ARHGAP31: variants seen among roughly 807,000 people sequenced by gnomAD.
ARHGAP31 encodes Rho GTPase activating protein 31.
In ARHGAP31, 34 loss-of-function variants were observed where a neutral mutation model predicts 113.9. The observed-to-expected ratio is 0.30, with a 90% CI of 0.23 to 0.40. The LOEUF (loss-of-function observed/expected upper bound fraction) is 0.40, where lower values mean the gene tolerates loss of function less well. Ranked by LOEUF, ARHGAP31 falls within the 10% of genes least tolerant of loss-of-function variation. The pLI, the probability that ARHGAP31 is intolerant of heterozygous loss-of-function variation, is 1.00. For synonymous variants in ARHGAP31, 650 were observed against 684.8 expected (o/e 0.95, Z 0.79); for missense variants, 1,548 against 1,767.1 (o/e 0.88, Z 2.22).
intron 1 of ARHGAP31, 24 bp from the exon 2 acceptor site, chr3:119,365,292 G>A (rs748187636): frequency 6.3e-7 from 1 of 1,593,576 alleles, no homozygotes; most frequent in Admixed American, 1.7e-5. Flanking sequence ...ATACTTAATT[G>A]TTTTTTTCTT....
chr3:119,399,126 C>A (rs1423690291), intron 8 of ARHGAP31, 73 bp from the exon 9 acceptor site: 1 of 1,399,688 alleles, frequency 7.1e-7, no homozygotes. Flanking sequence ...GGTACTTAAA[C>A]AGCCTGACCT....
At position 119,415,888 on chromosome 3, in the gene ARHGAP31, A is replaced by G. The variant is rs1328924996; in HGVS notation, c.3959A>G (p.Asn1320Ser). ...TCAGAGACAGAGCCATCTGGGGACA[A>G]CCTTCTTTCTTCAAAACTAGAGCGA... ...RMSETEPSGD[N>S]LLSSKLERPS... Residue 1320 changes from asparagine (N) to serine (S), a missense_variant, in exon 12 of 12, where the codon AAC becomes AGC. Transcript: ENST00000264245. 6.2e-7 allele frequency: 1 copy of G among 1,614,062 alleles called. No homozygotes were observed. The highest frequency in any genetic ancestry group is 8.5e-7 in the Non-Finnish European group (1 of 1,180,032).
rs1411290216 is a variant in ARHGAP31 at position 119,414,317 on chromosome 3, A to G, written c.2388A>G (p.Pro796=). 1 of 1,614,054 alleles carries G rather than the reference A, an allele frequency of 6.2e-7. No individual in the cohort carries two copies. The highest frequency in any genetic ancestry group is 1.3e-5 in the African/African-American group (1 of 74,928). ...CAACTCCTCTGGAGGAGTCAACTCC[A>G]GTCCTGCTTTCAAAGGGCGGCCCGG... The part of the protein sequence containing the change: ...PPPTPLEEST[P]VLLSKGGPER... The change falls in exon 12 of 12, where the codon CCA becomes CCG. Residue 796 remains proline, a synonymous_variant. Transcript: ENST00000264245.
rs2079517543 is a variant in ARHGAP31 at position 119,294,752 on chromosome 3, A to C, written c.-153A>C. 2.7e-6 allele frequency: 2 copies of C among 733,574 alleles called. No individual in the cohort carries two copies. Among genetic ancestry groups the C allele is most frequent in the Non-Finnish European group, 4.7e-6 (2 of 422,460 alleles). 45.4% of individuals were successfully genotyped at this position (733,574 alleles called of 1,614,324 possible). A position where few individuals can be genotyped will look rare whatever the true frequency, so the allele number is the denominator to read the frequency against. ...TGCCGGCCCGCGGCCCGCGGGGTCC[A>C]TGCGCAGGGCCCCCAGCCCAAGTTC... On this transcript the variant is annotated 5_prime_UTR_variant, in exon 1 of 12. The change abolishes an upstream ATG in the 5' untranslated region. Transcript: ENST00000264245.
chr3:119,369,656 G>A (rs1393346723), intron 3 of ARHGAP31, among the ~76,000 whole-genome samples: 1 of 152,082 alleles, frequency 6.6e-6, no homozygotes, highest in African/African-American at 2.4e-5. Flanking sequence ...AGTTTTCAGT[G>A]GTACAGGGAA....
chr3:119,332,635 T>TCTCTCTCTCA (rs1403595583), intron 1 of ARHGAP31, among the ~76,000 whole-genome samples: 6 of 85,664 alleles, frequency 7.0e-5, no homozygotes, highest in Non-Finnish European at 6.4e-5. Context: ...TCTCTCTCTC[T>TCTCTCTCTCA]CACACACACA....
intron 1 of ARHGAP31, among the ~76,000 whole-genome samples, chr3:119,317,239 C>A (rs2079741819): frequency 6.6e-6 from 1 of 151,148 alleles, no homozygotes; most frequent in Non-Finnish European, 1.5e-5. Flanking sequence ...AGTGCAGTGG[C>A]GCGATCTCAG....
intron 1 of ARHGAP31, among the ~76,000 whole-genome samples, chr3:119,307,940 C>CAAAAAAAAAAGAAAAAAAAAAAAAAAAA (rs2079644673): frequency 2.2e-5 from 1 of 45,452 alleles, no homozygotes; most frequent in Non-Finnish European, 3.7e-5. Context: ...GAATTAACAG[C>CAAAAAAAAAAGAAAAAAAAAAAAAAAAA]AAAAAAAAAA....
At chr3:119,329,603 T>G (rs935633375) in intron 1 of ARHGAP31, among the ~76,000 whole-genome samples, 3 of 152,210 alleles carry the variant, frequency 2.0e-5, no homozygotes, top group African/African-American at 7.2e-5. Flanking sequence ...CAGCTATCCA[T>G]AACCTCCTTC....
At chr3:119,344,390 C>T (rs1170385653) in intron 1 of ARHGAP31, among the ~76,000 whole-genome samples, 1 of 152,154 alleles carries the variant, frequency 6.6e-6, no homozygotes, top group Non-Finnish European at 1.5e-5. Context: ...TGGCTGAAGC[C>T]TGTATCCCAG....
At chr3:119,348,587 A>G (rs942850408) in intron 1 of ARHGAP31, among the ~76,000 whole-genome samples, 36 of 152,242 alleles carry the variant, frequency 2.4e-4, no homozygotes, top group African/African-American at 8.2e-4. Context: ...AGATCTTGAT[A>G]TAAAACGGTG....
At chr3:119,413,679 G>C (rs1018618979) in intron 11 of ARHGAP31, among the ~76,000 whole-genome samples, 177 bp from the exon 12 acceptor site, 5 of 152,200 alleles carry the variant, frequency 3.3e-5, no homozygotes, top group African/African-American at 1.2e-4. Flanking sequence ...TACAGCTAAA[G>C]TATGTGATGG....
intron 4 of ARHGAP31, 137 bp from the exon 5 acceptor site, chr3:119,382,155 G>C: frequency 1.1e-6 from 1 of 939,344 alleles, no homozygotes; most frequent in Non-Finnish European, 1.7e-6. Flanking sequence ...TGTCAATCTT[G>C]ACATCTTTCC....
rs372260296 is a variant in ARHGAP31, at chr3:119,402,286, C to A, written c.1534C>A (p.Pro512Thr). 3.5e-5 allele frequency: 56 copies of A among 1,614,150 alleles called. No homozygotes were observed. The highest frequency in any genetic ancestry group is 5.3e-5 in the African/African-American group (4 of 74,954). Residue 512 changes from proline (P) to threonine (T), a missense_variant, in exon 10 of 12, where the codon CCC becomes ACC. Coordinates refer to ENST00000264245, the MANE Select transcript of ARHGAP31 (RefSeq NM_020754.4). ...ISTNSTPCRT[P>T]PKELQSLSSL... is the part of the protein sequence containing the mutation. ...CACCAACAGCACGCCGTGCAGAACA[C>A]CCCCGAAGGAGCTGCAGTCTCTTTC...
intron 1 of ARHGAP31, among the ~76,000 whole-genome samples, chr3:119,342,939 A>G (rs889940152): frequency 6.6e-6 from 1 of 151,920 alleles, no homozygotes; most frequent in Admixed American, 6.6e-5. Context: ...ACAAGAGTGA[A>G]ACTCTGTCTC....
At chr3:119,326,048 C>T (rs1036974902) in intron 1 of ARHGAP31, among the ~76,000 whole-genome samples, 1 of 152,030 alleles carries the variant, frequency 6.6e-6, no homozygotes, top group Non-Finnish European at 1.5e-5. Flanking sequence ...AAACATTAGC[C>T]GGGCGTGGTG....
At chr3:119,380,663 C>T (rs1577020409) in intron 3 of ARHGAP31, among the ~76,000 whole-genome samples, 3 of 152,000 alleles carry the variant, frequency 2.0e-5, no homozygotes, top group Non-Finnish European at 2.9e-5. Flanking sequence ...CTCAGGATGC[C>T]CAGAGTCCCA....
At chr3:119,335,412 A>T (rs2079933944) in intron 1 of ARHGAP31, among the ~76,000 whole-genome samples, 1 of 152,228 alleles carries the variant, frequency 6.6e-6, no homozygotes, top group African/African-American at 2.4e-5. Context: ...TGACATTGCC[A>T]GGACGCAAGC....
chr3:119,412,563 G>C (rs2080726029), intron 11 of ARHGAP31, among the ~76,000 whole-genome samples: 1 of 152,176 alleles, frequency 6.6e-6, no homozygotes, highest in Non-Finnish European at 1.5e-5. Context: ...CAGCAAGCAA[G>C]GTGGAGGAGT....
Sources: allele counts gnomAD v4.1 joint callset (sites outside exome capture counted in the v4.1 genomes callset), GRCh38; gene constraint gnomAD v4.1.1; transcripts MANE v1.5; gene names NCBI Gene and HGNC (gene_info 2026-07-23, HGNC 2026-07-21).